Variants in OCA2 observed in about 807,000 individuals in gnomAD.
OCA2 encodes the protein OCA2 melanosomal transmembrane protein.
OCA2 carries 77 observed loss-of-function variants against 100.2 expected under a neutral mutation model. The observed-to-expected ratio is 0.77, with a 90% CI of 0.64 to 0.93. The LOEUF (loss-of-function observed/expected upper bound fraction) is 0.93, where lower values mean the gene tolerates loss of function less well. OCA2 is among the 40% of genes least tolerant of loss of function. OCA2 has a pLI of 0.00. For synonymous variants in OCA2, 432 were observed against 439.2 expected (o/e 0.98, Z 0.21); for missense variants, 1,062 against 1,089.1 (o/e 0.98, Z 0.35).
intron 18 of OCA2, among the ~76,000 whole-genome samples, chr15:27,926,628 T>C (rs1595661870): frequency 6.6e-6 from 1 of 152,124 alleles, no homozygotes; most frequent in African/African-American, 2.4e-5. Context: ...TTGTTGTTGT[T>C]TTGGGGGCCT....
chr15:28,075,000 G>A (rs930658315), intron 2 of OCA2, among the ~76,000 whole-genome samples: 10 of 152,288 alleles, frequency 6.6e-5, no homozygotes, highest in Admixed American at 5.9e-4. Context: ...AAACCCAGCA[G>A]CATATGCAAA....
At chr15:27,972,551 C>A (rs1368828304) in intron 14 of OCA2, among the ~76,000 whole-genome samples, 1 of 152,212 alleles carries the variant, frequency 6.6e-6, no homozygotes, top group Non-Finnish European at 1.5e-5. Context: ...AATGGCCATT[C>A]TGGCTGTAAT....
rs1159160168 is a variant in OCA2, at chr15:27,847,985, A to G, written c.2339-2933T>C. On this transcript the variant is annotated intron_variant, in intron 22 of 23. Transcript: ENST00000354638. ...CCAGCAACACACAGAGCCGGCCCAC[A>G]CTCAAGCTGCAGATGCCGCAGGCAT... is the stretch of plus-strand genomic sequence containing the variant. Among the ~76,000 whole-genome samples the G allele has an allele frequency of 2.0e-5, 3 of 152,108 alleles. No homozygotes were observed. In the East Asian group the frequency reaches 5.8e-4, roughly 29 times the overall value.
chr15:28,032,792 CAAA>C (rs34369918), intron 2 of OCA2, among the ~76,000 whole-genome samples: 7 of 107,546 alleles, frequency 6.5e-5, no homozygotes, highest in Non-Finnish European at 7.6e-5. Context: ...GACTCTGTCT[CAAA>C]AAAAAAAAAA....
intron 23 of OCA2, among the ~76,000 whole-genome samples, chr15:27,792,970 G>A (rs897273287): frequency 2.0e-5 from 3 of 152,216 alleles, no homozygotes; most frequent in Non-Finnish European, 2.9e-5. Context: ...CTTCAGAGGA[G>A]GGGCGGCCAG....
chr15:28,050,213 A>C (rs1176782460), intron 2 of OCA2, among the ~76,000 whole-genome samples: 1 of 152,146 alleles, frequency 6.6e-6, no homozygotes, highest in East Asian at 1.9e-4. Flanking sequence ...TGAGCCCAGG[A>C]GTTTCAGGCT....
chr15:28,021,116 T>C (rs2042580817), intron 6 of OCA2, among the ~76,000 whole-genome samples: 2 of 152,240 alleles, frequency 1.3e-5, no homozygotes, highest in South Asian at 4.1e-4. Context: ...AATTAATTCC[T>C]TTTTAAATAA....
At chr15:27,828,404 G>C (rs1235356670) in intron 23 of OCA2, among the ~76,000 whole-genome samples, 3 of 152,182 alleles carry the variant, frequency 2.0e-5, no homozygotes, top group African/African-American at 7.2e-5. Context: ...GGCTCCTCAT[G>C]GGTCCTCACT....
rs371412500 is a variant in OCA2 at position 27,926,186 on chromosome 15, G to T, written c.2020C>A (p.Leu674Ile). The T allele has an allele frequency of 1.2e-6, 2 of 1,613,948 alleles. No homozygotes were observed. The highest frequency in any genetic ancestry group is 2.7e-5 in the African/African-American group (2 of 74,920). The change falls in exon 19 of 24, where the codon CTA becomes ATA. Residue 674 changes from leucine to isoleucine, a missense_variant. Transcript: ENST00000354638. ...LADIHDFEII[L>I]HRVEWATLLF... Reference sequence around the variant, plus strand: ...AGGGTTGCCCATTCCACTCTGTGTAGAATTATCTCAAAATCATGAATATCA... The same window carrying T: ...AGGGTTGCCCATTCCACTCTGTGTATAATTATCTCAAAATCATGAATATCA...
chr15:27,887,836 A>G (rs1170655264), intron 19 of OCA2, among the ~76,000 whole-genome samples: 1 of 151,388 alleles, frequency 6.6e-6, no homozygotes, highest in East Asian at 2.0e-4. Context: ...CCAGGGGAAC[A>G]TGTCCCCCTG....
In OCA2 at chr15:27,865,808, G is replaced by A. The variant is rs143237376; in HGVS notation, c.2244+5346C>T. ...TCTACATCAGCAGCAGGTGCAGAGG[G>A]ACGCATGACTGCAAAGATCTCAGGC... On this transcript the variant is annotated intron_variant, in intron 21 of 23. Transcript: ENST00000354638. 6.7e-4 allele frequency among the ~76,000 whole-genome samples: 102 copies of A among 152,268 alleles called. No individual in the cohort carries two copies. The East Asian group carries it at 0.018, about 27-fold the overall frequency.
intron 19 of OCA2, chr15:27,896,615 G>T: frequency 5.0e-6 from 1 of 199,594 alleles, no homozygotes. Flanking sequence ...TTTTTCAGAT[G>T]AAGATCATAA....
intron 22 of OCA2, among the ~76,000 whole-genome samples, chr15:27,849,538 G>T (rs1398435947): frequency 3.8e-5 from 2 of 52,912 alleles, no homozygotes; most frequent in Non-Finnish European, 2.9e-5. Context: ...GGTCAGACCA[G>T]TTAAAAAAAA....
Position 28,027,963 on chromosome 15 carries a change from G to C in OCA2, c.423C>G (p.Ser141Arg). The C allele has an allele frequency of 1.2e-6, 2 of 1,614,184 alleles. No homozygotes were observed. The change falls in exon 4 of 24, where the codon AGC (serine) becomes AGG (arginine). Residue 141 changes from serine to arginine, a missense_variant. Transcript: ENST00000354638. ...SADWERRYLLSREVSGLSASA... is the reference protein window; with the variant it reads ...SADWERRYLLRREVSGLSASA... The stretch of plus-strand genomic sequence containing the variant: ...ATGCAGACAGACCAGACACCTCCCT[G>C]CTTAGCAGGTATCTTCGCTCCCAGT...
chr15:27,795,384 C>A (rs1466168106), intron 23 of OCA2, among the ~76,000 whole-genome samples: 1 of 152,096 alleles, frequency 6.6e-6, no homozygotes, highest in East Asian at 1.9e-4. Flanking sequence ...CCTCCTCCCA[C>A]CAAGAGCTTC....
intron 14 of OCA2, among the ~76,000 whole-genome samples, chr15:27,974,506 C>A (rs2040903358): frequency 1.3e-5 from 2 of 152,194 alleles, no homozygotes; most frequent in African/African-American, 4.8e-5. Context: ...GCGGCTCATG[C>A]CTATAATCTC....
the OCA2 span, among the ~76,000 whole-genome samples, chr15:27,745,291 A>T: frequency 6.6e-6 from 1 of 152,120 alleles, no homozygotes; most frequent in Non-Finnish European, 1.5e-5. Context: ...TCATGGGGAG[A>T]TGTGCTCTGT....
the OCA2 span, among the ~76,000 whole-genome samples, chr15:27,744,427 G>T: frequency 6.6e-6 from 1 of 152,194 alleles, no homozygotes; most frequent in East Asian, 1.9e-4. Context: ...GGGAAAGCCA[G>T]GGGTCAGGCC....
intron 23 of OCA2, among the ~76,000 whole-genome samples, chr15:27,766,982 C>T (rs956916581): frequency 2.6e-5 from 4 of 152,216 alleles, no homozygotes; most frequent in Admixed American, 6.5e-5. Flanking sequence ...GTCTCCTTCC[C>T]TGGCCCCTTC....
Sources: allele counts gnomAD v4.1 joint callset (sites outside exome capture counted in the v4.1 genomes callset), GRCh38; gene constraint gnomAD v4.1.1; transcripts MANE v1.5; gene names NCBI Gene and HGNC (gene_info 2026-07-23, HGNC 2026-07-21).